The following CEP128 variants were observed in gnomAD, a reference collection of about 807,000 sequenced individuals.
CEP128 encodes centrosomal protein 128kDa.
A neutral mutation model predicts 156.7 loss-of-function variants in CEP128; 132 were observed. The ratio of observed to expected loss-of-function variants is 0.84; its 90% CI spans 0.73 to 0.97. The LOEUF is 0.97. Ranked by LOEUF, CEP128 falls within the 50% of genes least tolerant of loss-of-function variation. The pLI is 0.00. For synonymous variants in CEP128, 469 were observed against 448.9 expected (o/e 1.04, Z -0.57); for missense variants, 1,252 against 1,281.9 (o/e 0.98, Z 0.36).
intron 19 of CEP128, among the ~76,000 whole-genome samples, chr14:80,636,354 C>A (rs1894180362): frequency 6.6e-6 from 1 of 152,194 alleles, no homozygotes; most frequent in Admixed American, 6.5e-5. Context: ...ACAAGTTGTT[C>A]TATAGCATAA....
At chr14:80,648,319 T>A (rs1894749037) in intron 19 of CEP128, among the ~76,000 whole-genome samples, 1 of 152,130 alleles carries the variant, frequency 6.6e-6, no homozygotes, top group South Asian at 2.1e-4. Context: ...GGAATATCTA[T>A]CAAGTGGCTT....
intron 8 of CEP128, among the ~76,000 whole-genome samples, chr14:80,892,207 CAG>C (rs1024933784): frequency 1.3e-5 from 2 of 151,870 alleles, no homozygotes; most frequent in African/African-American, 2.4e-5. Context: ...GGCATAAAAA[CAG>C]ACACATACAC....
At chr14:80,628,546 C>T (rs1381732903) in intron 19 of CEP128, among the ~76,000 whole-genome samples, 14 of 152,170 alleles carry the variant, frequency 9.2e-5, no homozygotes, top group Non-Finnish European at 2.1e-4. Flanking sequence ...CTGTTTTTGC[C>T]TGTCCATTTC....
At chr14:80,613,624 A>G (rs977661196) in intron 19 of CEP128, among the ~76,000 whole-genome samples, 3 of 152,018 alleles carry the variant, frequency 2.0e-5, no homozygotes, top group African/African-American at 7.2e-5. Flanking sequence ...ACATTTTTAA[A>G]ATGTAAAATT....
At chr14:80,531,720 T>A (rs1052111240) in intron 21 of CEP128, among the ~76,000 whole-genome samples, 3 of 152,230 alleles carry the variant, frequency 2.0e-5, no homozygotes, top group African/African-American at 7.2e-5. Flanking sequence ...ACCCTATGGC[T>A]GACGCATGGG....
chr14:80,665,842 A>T (rs1189714112), intron 19 of CEP128, among the ~76,000 whole-genome samples: 2 of 149,804 alleles, frequency 1.3e-5, no homozygotes, highest in African/African-American at 2.5e-5. Flanking sequence ...GAAATAAGTT[A>T]AAAAAAAATA....
chr14:80,910,412 C>T (rs924224547), intron 4 of CEP128, among the ~76,000 whole-genome samples: 3 of 152,110 alleles, frequency 2.0e-5, no homozygotes, highest in African/African-American at 7.2e-5. Flanking sequence ...TAGCACCATC[C>T]CCGCTTGGTA....
At chr14:80,849,738 T>A (rs1055543819) in intron 9 of CEP128, among the ~76,000 whole-genome samples, 3 of 151,594 alleles carry the variant, frequency 2.0e-5, no homozygotes, top group African/African-American at 7.3e-5. Flanking sequence ...AAAGAAAAAA[T>A]AGGCAAAGGA....
chr14:80,652,763 T>C (rs542966278), intron 19 of CEP128, among the ~76,000 whole-genome samples: 5 of 152,272 alleles, frequency 3.3e-5, no homozygotes, highest in South Asian at 2.1e-4. Flanking sequence ...TATTCAACCA[T>C]TGTGGAAGAC....
intron 9 of CEP128, among the ~76,000 whole-genome samples, chr14:80,848,698 A>G (rs1297922122): frequency 2.0e-5 from 3 of 151,812 alleles, no homozygotes; most frequent in Non-Finnish European, 2.9e-5. Context: ...AAAGGAAAGA[A>G]AGAAAGAAAA....
chr14:80,808,312 T>C (rs565584136), intron 13 of CEP128, among the ~76,000 whole-genome samples: 36 of 152,330 alleles, frequency 2.4e-4, no homozygotes, highest in African/African-American at 8.7e-4. Flanking sequence ...CCCAGGCTTG[T>C]GTAAGGTCAG....
chr14:80,748,866 T>C (rs1899241451), intron 18 of CEP128, among the ~76,000 whole-genome samples: 1 of 152,116 alleles, frequency 6.6e-6, no homozygotes, highest in African/African-American at 2.4e-5. Flanking sequence ...CTCCAGGCCC[T>C]AGCTCCCAGG....
chr14:80,623,130 T>A (rs1893557953), intron 19 of CEP128, among the ~76,000 whole-genome samples: 1 of 151,366 alleles, frequency 6.6e-6, no homozygotes, highest in Non-Finnish European at 1.5e-5. Context: ...TATGCAGCCA[T>A]AAAAAATGAT....
At chr14:80,677,234 T>C (rs1253293760) in intron 19 of CEP128, among the ~76,000 whole-genome samples, 1 of 152,098 alleles carries the variant, frequency 6.6e-6, no homozygotes, top group African/African-American at 2.4e-5. Context: ...AGGCCAGGCG[T>C]GGTGGCTGAC....
At chr14:80,701,693 T>C (rs1395986547) in intron 19 of CEP128, among the ~76,000 whole-genome samples, 1 of 152,214 alleles carries the variant, frequency 6.6e-6, no homozygotes, top group South Asian at 2.1e-4. Flanking sequence ...TTTTCTTTCC[T>C]ACTCTATCAG....
chr14:80,699,654 A>G (rs1209441716), intron 19 of CEP128, among the ~76,000 whole-genome samples: 1 of 36,890 alleles, frequency 2.7e-5, no homozygotes, highest in African/African-American at 9.2e-5. Context: ...ATACACAGAG[A>G]GATTAAACCT....
intron 19 of CEP128, among the ~76,000 whole-genome samples, chr14:80,731,737 T>C: frequency 6.6e-6 from 1 of 152,128 alleles, no homozygotes; most frequent in Non-Finnish European, 1.5e-5. Flanking sequence ...TTCAAGGGCT[T>C]TACACTGGAC....
chr14:80,820,214 G>A (rs1016993304), intron 13 of CEP128, among the ~76,000 whole-genome samples: 3 of 152,108 alleles, frequency 2.0e-5, no homozygotes, highest in Non-Finnish European at 4.4e-5. Flanking sequence ...AATATCTGAA[G>A]AGTCTATATG....
intron 8 of CEP128, among the ~76,000 whole-genome samples, chr14:80,888,031 G>T (rs1888895523): frequency 6.6e-6 from 1 of 152,084 alleles, no homozygotes; most frequent in South Asian, 2.1e-4. Context: ...AAATCTAGAA[G>T]AAATGGATAA....
Sources: allele counts gnomAD v4.1 joint callset (sites outside exome capture counted in the v4.1 genomes callset), GRCh38; gene constraint gnomAD v4.1.1; transcripts MANE v1.5; gene names NCBI Gene and HGNC (gene_info 2026-07-23, HGNC 2026-07-21).